CCDC7: variants seen among roughly 807,000 people sequenced by gnomAD.
CCDC7 encodes the protein coiled-coil domain-containing protein 7.
In CCDC7, 183 loss-of-function variants were observed where a neutral mutation model predicts 196.9. The ratio of observed to expected loss-of-function variants is 0.93; its 90% CI spans 0.82 to 1.05. CCDC7 has a LOEUF of 1.05. CCDC7 is among the 50% of genes least tolerant of loss of function. The pLI is 0.00. For missense variants in CCDC7, 1,540 were observed against 1,482.2 expected (o/e 1.04, Z -0.64); for synonymous variants, 525 against 484.6 (o/e 1.08, Z -1.10).
intron 9 of CCDC7, among the ~76,000 whole-genome samples, chr10:32,500,661 C>A (rs1023647049): frequency 2.0e-5 from 3 of 152,176 alleles, no homozygotes; most frequent in African/African-American, 4.8e-5. Flanking sequence ...CGGGCAGAGG[C>A]TGCAATCTCG....
In CCDC7 at chr10:32,453,373, A is replaced by G. The variant is rs574981974; in HGVS notation, c.309A>G (p.Gly103=). ...TTTCCACTTTGGAAGAAACCTATGG[A>G]CATTGCGATCAGAATGGAGAAGAAC... Residue 103 remains glycine, a synonymous_variant, in exon 2 of 42, where the codon GGA becomes GGG. Coordinates refer to ENST00000639629, the Ensembl canonical transcript of CCDC7. 9.2e-5 allele frequency: 142 copies of G among 1,546,684 alleles called. 1 individual carries two copies. The South Asian group carries it at 1.8e-3, about 19-fold the overall frequency.
At chr10:32,620,027 A>G (rs1252855026) in intron 18 of CCDC7, among the ~76,000 whole-genome samples, 1 of 141,812 alleles carries the variant, frequency 7.1e-6, no homozygotes, top group Non-Finnish European at 1.5e-5. Flanking sequence ...GGTTCAAGCA[A>G]TTTTCCTGCC....
intron 3 of CCDC7, among the ~76,000 whole-genome samples, chr10:32,459,422 A>G (rs900000364): frequency 1.3e-5 from 2 of 152,068 alleles, no homozygotes; most frequent in East Asian, 1.9e-4. Context: ...TATGTCTGCT[A>G]TGCTCTCTCC....
At chr10:32,740,448 T>C (rs1484036871) in intron 28 of CCDC7, among the ~76,000 whole-genome samples, 1 of 152,168 alleles carries the variant, frequency 6.6e-6, no homozygotes, top group Non-Finnish European at 1.5e-5. Flanking sequence ...CAAATATAGA[T>C]TAAAAATACA....
chr10:32,450,208 C>T (rs144770405), upstream of CCDC7, among the ~76,000 whole-genome samples: 760 of 152,262 alleles, frequency 5.0e-3, 6 homozygotes, highest in African/African-American at 0.017. Context: ...TTGGTTTTTA[C>T]AAGCTTCTGG....
chr10:32,494,314 G>GTC (rs1029307771), intron 9 of CCDC7, among the ~76,000 whole-genome samples: 3 of 151,000 alleles, frequency 2.0e-5, no homozygotes, highest in African/African-American at 7.3e-5. Flanking sequence ...TTGGACATTT[G>GTC]TCAAAGATCA....
At chr10:32,845,839 C>G (rs773629380) in intron 35 of CCDC7, 37 bp from the exon 37 acceptor site, 15 of 1,481,700 alleles carry the variant, frequency 1.0e-5, no homozygotes, top group Non-Finnish European at 1.4e-5. Flanking sequence ...TAATGTTTAC[C>G]TTATAAAATA....
intron 28 of CCDC7, among the ~76,000 whole-genome samples, chr10:32,735,691 T>C (rs772425325): frequency 6.6e-6 from 1 of 152,182 alleles, no homozygotes; most frequent in African/African-American, 2.4e-5. Flanking sequence ...GTACAACTTA[T>C]CAATTTTTTA....
At chr10:32,880,014 A>G (rs1424938487), downstream of CCDC7, among the ~76,000 whole-genome samples, 1 of 152,090 alleles carries the variant, frequency 6.6e-6, no homozygotes, top group African/African-American at 2.4e-5. Context: ...ATGAACATAC[A>G]TTTGCATATA....
chr10:32,622,282 C>G (rs1323153785), intron 18 of CCDC7, among the ~76,000 whole-genome samples: 1 of 152,040 alleles, frequency 6.6e-6, no homozygotes, highest in Non-Finnish European at 1.5e-5. Flanking sequence ...GCTACCCTGT[C>G]TGGATTTTTT....
Position 32,471,662 on chromosome 10 carries a change from A to G in CCDC7, c.677+432A>G, listed in dbSNP as rs550934832. On this transcript the variant is annotated intron_variant, in intron 6 of 41. Coordinates refer to ENST00000639629, the Ensembl canonical transcript of CCDC7. ...GAACACCTTCATTAATTATATTAACAGCTTATCAAGTAAAATTTTTACATT... is the reference window on the plus strand; with the variant it reads ...GAACACCTTCATTAATTATATTAACGGCTTATCAAGTAAAATTTTTACATT... Among the ~76,000 whole-genome samples the G allele has an allele frequency of 3.5e-4, 53 of 152,332 alleles. 1 individual carries two copies. The highest frequency in any genetic ancestry group is 1.0e-3 in the African/African-American group (42 of 41,592).
At chr10:32,629,305 G>A (rs771751569) in intron 18 of CCDC7, among the ~76,000 whole-genome samples, 2 of 151,926 alleles carry the variant, frequency 1.3e-5, no homozygotes, top group African/African-American at 2.4e-5. Flanking sequence ...TTTGATATAA[G>A]TATAGTGACC....
chr10:32,818,492 T>C (rs564690975), intron 31 of CCDC7, among the ~76,000 whole-genome samples: 5 of 152,212 alleles, frequency 3.3e-5, no homozygotes, highest in African/African-American at 9.6e-5. Context: ...GTGGACCTAA[T>C]AGACATCTAC....
At chr10:32,752,396 T>G (rs1325305541) in intron 28 of CCDC7, among the ~76,000 whole-genome samples, 1 of 152,160 alleles carries the variant, frequency 6.6e-6, no homozygotes, top group Non-Finnish European at 1.5e-5. Context: ...CCCCCAAGTC[T>G]TCAACTGATT....
At chr10:32,762,544 AAAAC>A (rs1481382380) in intron 28 of CCDC7, among the ~76,000 whole-genome samples, 1 of 151,834 alleles carries the variant, frequency 6.6e-6, no homozygotes, top group South Asian at 2.1e-4. Context: ...TTTAAAAAGA[AAAAC>A]AAAGTTGCAG....
chr10:32,770,181 G>T (rs1338090163), intron 28 of CCDC7, among the ~76,000 whole-genome samples: 1 of 152,002 alleles, frequency 6.6e-6, no homozygotes, highest in East Asian at 1.9e-4. Flanking sequence ...TTGTTCTTGT[G>T]TTTCTAGATC....
chr10:32,828,534 G>C (rs181607360), intron 32 of CCDC7, among the ~76,000 whole-genome samples: 7 of 150,734 alleles, frequency 4.6e-5, no homozygotes, highest in African/African-American at 1.7e-4. Context: ...AGAAGAAGAA[G>C]AAGAAGAAGA....
intron 8 of CCDC7, 28 bp from the exon 10 acceptor site, chr10:32,491,894 T>G (rs377314967): frequency 6.5e-7 from 1 of 1,535,300 alleles, no homozygotes. Flanking sequence ...TATAAAACCT[T>G]TAACATTTTT....
intron 33 of CCDC7, among the ~76,000 whole-genome samples, chr10:32,841,322 T>C (rs2092957185): frequency 6.6e-6 from 1 of 151,998 alleles, no homozygotes; most frequent in Non-Finnish European, 1.5e-5. Flanking sequence ...AAACTTAATA[T>C]ACACAAATCA....
Sources: gnomAD v4.1 joint callset for allele counts (sites outside exome capture counted in the v4.1 genomes callset) on GRCh38, gnomAD v4.1.1 for gene constraint, MANE v1.5 for transcripts, NCBI Gene and HGNC (gene_info 2026-07-23, HGNC 2026-07-21) for gene names.